The following RUFY4 variants were observed in gnomAD, a reference collection of about 807,000 sequenced individuals.
The protein encoded by RUFY4 is RUN and FYVE domain containing 4.
Under a neutral mutation model 69.0 loss-of-function variants are expected in RUFY4, and 73 were observed. That is an observed-to-expected ratio of 1.06 (90% CI 0.88 to 1.29). The LOEUF (loss-of-function observed/expected upper bound fraction) is 1.29. Ranked by LOEUF, RUFY4 falls within the 50% of genes most tolerant of loss-of-function variation. RUFY4 has a pLI of 0.00. For missense variants in RUFY4, 770 were observed against 705.6 expected, an observed-to-expected ratio of 1.09 and a Z score of -1.03; for synonymous variants, 287 against 271.8, an observed-to-expected ratio of 1.06 and a Z score of -0.55.
chr2:218,075,744 A>G lies in RUFY4; in HGVS notation c.1248+4A>G. On this transcript the variant is annotated splice_donor_region_variant and intron_variant, in intron 7 of 10. Transcript: ENST00000344321. ...GTCCCTGCAGGACGAGATCAAGGTGAGAACAGTTGAGCTCCATACCTGGTT... is the reference window on the plus strand; with the variant it reads ...GTCCCTGCAGGACGAGATCAAGGTGGGAACAGTTGAGCTCCATACCTGGTT... 7.0e-7 allele frequency: 1 copy of G among 1,422,664 alleles called. No homozygotes were observed. The highest frequency in any genetic ancestry group is 9.2e-7 in the Non-Finnish European group (1 of 1,086,046). The allele number at this position is 1,422,664 out of a possible 1,614,324, so 88.1% of individuals were successfully genotyped here.
At chr2:218,060,142 C>A in intron 3 of RUFY4, 1 of 444,534 alleles carries the variant, frequency 2.2e-6, no homozygotes. Context: ...GTAATTATGG[C>A]AAGGGGTGAG....
chr2:218,040,926 AACTAGATGCTGGATGTCCTT>A (rs1242818198), intron 2 of RUFY4, among the ~76,000 whole-genome samples: 2 of 151,958 alleles, frequency 1.3e-5, no homozygotes, highest in Non-Finnish European at 2.9e-5. Flanking sequence ...ATAGAATGAG[AACTAGATGCTGGATGTCCTT>A]ACTAGATGCT....
At chr2:218,067,789 C>T (rs964247093), upstream of RUFY4, among the ~76,000 whole-genome samples, 4 of 152,204 alleles carry the variant, frequency 2.6e-5, no homozygotes, top group South Asian at 2.1e-4. Context: ...CCTGGCACCT[C>T]GCTCCATCCC....
intron 9 of RUFY4, among the ~76,000 whole-genome samples, chr2:218,085,486 G>A (rs12471105): frequency 0.45 from 68,738 of 152,002 alleles, 15,897 homozygotes; most frequent in Middle Eastern, 0.62. Flanking sequence ...AACTTAAAAC[G>A]GAGAGAAAAG....
At position 218,089,363 on chromosome 2, in the gene RUFY4, G is replaced by C. The variant is rs756683313; in HGVS notation, c.1613+1G>C. ...GATTTTCTCGGCGGTATCCATGCAG[G>C]TAAAGGGAAGGGCACAGAATCCTCC... On this transcript the variant is annotated splice_donor_variant, in intron 10 of 10. Transcript: ENST00000344321. LOFTEE classifies it high-confidence loss of function. 6.2e-7 allele frequency: 1 copy of C among 1,612,984 alleles called. No homozygotes were observed. The highest frequency in any genetic ancestry group is 1.1e-5 in the South Asian group (1 of 90,896).
At chr2:218,043,856 A>T (rs1383921740) in intron 2 of RUFY4, among the ~76,000 whole-genome samples, 2 of 152,216 alleles carry the variant, frequency 1.3e-5, no homozygotes, top group Non-Finnish European at 2.9e-5. Context: ...GGGCACCTGC[A>T]GGCCAGTGCT....
chr2:218,061,737 C>T (rs1456342799), intron 3 of RUFY4, among the ~76,000 whole-genome samples: 1 of 152,210 alleles, frequency 6.6e-6, no homozygotes, highest in Non-Finnish European at 1.5e-5. Flanking sequence ...ATAATAACTA[C>T]AGGACACTCA....
chr2:218,057,099 G>A (rs1426019829), intron 2 of RUFY4, among the ~76,000 whole-genome samples: 1 of 150,870 alleles, frequency 6.6e-6, no homozygotes, highest in Non-Finnish European at 1.5e-5. Context: ...AAAAAAGAGA[G>A]AGAGAAGACT....
chr2:218,048,904 C>T (rs558666541), intron 2 of RUFY4, among the ~76,000 whole-genome samples: 10 of 152,278 alleles, frequency 6.6e-5, no homozygotes, highest in African/African-American at 2.4e-4. Context: ...GCTCTGTTAT[C>T]TCTAGTCCTC....
upstream of RUFY4, chr2:218,068,531 C>T (rs1342420509): frequency 3.3e-5 from 5 of 152,944 alleles, no homozygotes; most frequent in South Asian, 2.0e-4. Context: ...TTTTTAGATG[C>T]GGTTCCTGGG....
At chr2:218,045,271 C>G (rs1251322463) in intron 2 of RUFY4, among the ~76,000 whole-genome samples, 4 of 152,124 alleles carry the variant, frequency 2.6e-5, no homozygotes, top group African/African-American at 9.7e-5. Flanking sequence ...TAAAACTTCT[C>G]TAGACAAGAA....
intron 9 of RUFY4, among the ~76,000 whole-genome samples, chr2:218,084,673 G>A (rs1187849621): frequency 6.6e-6 from 1 of 152,154 alleles, no homozygotes; most frequent in Non-Finnish European, 1.5e-5. Context: ...AAAAAGTGAA[G>A]TATTGACCTC....
chr2:218,073,866 A>G, exon 6 of RUFY4: 1 of 1,613,894 alleles, frequency 6.2e-7, no homozygotes, highest in Non-Finnish European at 8.5e-7. Context: ...CCCAGAAAAA[A>G]CAAAGATGCC....
exon 8 of RUFY4, chr2:218,076,495 G>A: frequency 6.4e-7 from 1 of 1,551,134 alleles, no homozygotes; most frequent in African/African-American, 1.4e-5. Context: ...TGAGGGAGCA[G>A]GAGGGGGAGC....
chr2:218,063,459 A>G (rs957647872), intron 3 of RUFY4, among the ~76,000 whole-genome samples: 2 of 152,228 alleles, frequency 1.3e-5, no homozygotes, highest in East Asian at 3.8e-4. Context: ...TTTGAAAAAC[A>G]GTTTAGCAGT....
chr2:218,061,943 T>C (rs576396369), intron 3 of RUFY4, among the ~76,000 whole-genome samples: 7 of 152,340 alleles, frequency 4.6e-5, no homozygotes, highest in Non-Finnish European at 1.0e-4. Context: ...CTGAAAGTTA[T>C]TTTGAAAGAA....
In RUFY4 at chr2:218,074,963, C is replaced by T. The variant is rs1304825003; in HGVS notation, c.601-130C>T. ...AGATTTGGGGTTTGATAAATCAAAG[C>T]TTCCAGTGAGAGGACCTGGTACCTA... On this transcript the variant is annotated intron_variant, in intron 6 of 10. Coordinates refer to ENST00000344321, the Ensembl canonical transcript of RUFY4. The T allele has an allele frequency of 9.0e-6, 9 of 1,003,624 alleles. No individual in the cohort carries two copies. In the South Asian group the frequency reaches 9.5e-5, roughly 11 times the overall value. The allele number at this position is 1,003,624 out of a possible 1,614,324, so 62.2% of individuals were successfully genotyped here. A position where few individuals can be genotyped will look rare whatever the true frequency, so the allele number is the denominator to read the frequency against.
chr2:218,045,361 G>T (rs1688803174), intron 2 of RUFY4, among the ~76,000 whole-genome samples: 1 of 152,046 alleles, frequency 6.6e-6, no homozygotes, highest in Admixed American at 6.5e-5. Flanking sequence ...TACCCATATT[G>T]CATATAAGAA....
intron 8 of RUFY4, among the ~76,000 whole-genome samples, chr2:218,080,074 G>A (rs538309431): frequency 6.6e-6 from 1 of 152,366 alleles, no homozygotes; most frequent in East Asian, 1.9e-4. Flanking sequence ...GCTGTGGCCA[G>A]GGGAATGTCC....
Sources: allele counts gnomAD v4.1 joint callset (sites outside exome capture counted in the v4.1 genomes callset), GRCh38; gene constraint gnomAD v4.1.1; transcripts MANE v1.5; gene names NCBI Gene and HGNC (gene_info 2026-07-23, HGNC 2026-07-21).